DYM: variants seen among roughly 807,000 people sequenced by gnomAD.
DYM encodes the protein dyggve-Melchior-Clausen syndrome protein.
A neutral mutation model predicts 93.1 loss-of-function variants in DYM; 78 were observed. That is an observed-to-expected ratio of 0.84 (90% CI 0.70 to 1.01). The LOEUF (loss-of-function observed/expected upper bound fraction) is 1.01. Among genes scored for constraint, DYM ranks in the 50% least tolerant of loss-of-function variants. DYM has a pLI of 0.00. For missense variants in DYM, 789 were observed against 845.0 expected (o/e 0.93, Z 0.82); for synonymous variants, 321 against 319.7 (o/e 1.00, Z -0.04).
intron 8 of DYM, among the ~76,000 whole-genome samples, chr18:49,291,419 A>T (rs905834522): frequency 2.6e-5 from 4 of 152,330 alleles, no homozygotes; most frequent in Non-Finnish European, 4.4e-5. Context: ...GAGCCTACAA[A>T]TATCAAGCTT....
At chr18:49,450,716 T>C (rs2082455473) in intron 1 of DYM, among the ~76,000 whole-genome samples, 3 of 152,194 alleles carry the variant, frequency 2.0e-5, no homozygotes, top group Non-Finnish European at 2.9e-5. Flanking sequence ...ATAATACTAA[T>C]ATATGTTCCA....
chr18:49,373,566 G>T (rs1372424086), intron 5 of DYM, among the ~76,000 whole-genome samples: 1 of 152,044 alleles, frequency 6.6e-6, no homozygotes, highest in Non-Finnish European at 1.5e-5. Flanking sequence ...TATCAGCAAG[G>T]TCTTCATGAC....
At chr18:49,338,752 TACTACAGAAG>T (rs1453164275) in intron 6 of DYM, among the ~76,000 whole-genome samples, 1 of 152,162 alleles carries the variant, frequency 6.6e-6, no homozygotes, top group African/African-American at 2.4e-5. Context: ...ACTCAAGACC[TACTACAGAAG>T]ACTTAATGAC....
intron 13 of DYM, among the ~76,000 whole-genome samples, chr18:49,221,712 C>G (rs1316535181): frequency 6.6e-6 from 1 of 151,828 alleles, no homozygotes; most frequent in Admixed American, 6.6e-5. Flanking sequence ...ACAATGAGAA[C>G]ACATGGACAC....
At chr18:49,252,241 A>AAAAAAAAAAG in intron 13 of DYM, among the ~76,000 whole-genome samples, 1 of 148,554 alleles carries the variant, frequency 6.7e-6, no homozygotes, top group African/African-American at 2.5e-5. Flanking sequence ...AAAAAAAAAA[A>AAAAAAAAAAG]AGAACTGCCT....
At chr18:49,326,936 A>C (rs2062922841) in intron 8 of DYM, among the ~76,000 whole-genome samples, 1 of 151,084 alleles carries the variant, frequency 6.6e-6, no homozygotes, top group Admixed American at 6.6e-5. Context: ...TAAAGTATTT[A>C]GGAGTAAAGG....
chr18:49,261,387 T>G (rs912491938), intron 11 of DYM, among the ~76,000 whole-genome samples: 3 of 152,200 alleles, frequency 2.0e-5, no homozygotes, highest in African/African-American at 7.2e-5. Flanking sequence ...ATATAAAAGT[T>G]TGGCTGGGCA....
chr18:49,298,602 G>A (rs2060707518), intron 8 of DYM, among the ~76,000 whole-genome samples: 1 of 148,020 alleles, frequency 6.8e-6, no homozygotes. Context: ...AAAAAATTCT[G>A]TCAGAATCTC....
chr18:49,073,315 A>G (rs2077040531), intron 17 of DYM, among the ~76,000 whole-genome samples: 1 of 152,244 alleles, frequency 6.6e-6, no homozygotes, highest in Admixed American at 6.5e-5. Context: ...ACACTTTTCA[A>G]GTTAATTCAG....
chr18:49,065,214 T>G (rs2076296454), intron 17 of DYM, among the ~76,000 whole-genome samples: 1 of 152,158 alleles, frequency 6.6e-6, no homozygotes, highest in Non-Finnish European at 1.5e-5. Flanking sequence ...GGGTCTTGAT[T>G]TTAGAGAAAT....
At chr18:49,327,680 T>A (rs112129646) in intron 8 of DYM, among the ~76,000 whole-genome samples, 1 of 152,172 alleles carries the variant, frequency 6.6e-6, no homozygotes, top group Non-Finnish European at 1.5e-5. Context: ...TCTTTGAAAT[T>A]TTCTGTAATA....
At chr18:49,224,213 G>A (rs1009660634) in intron 13 of DYM, among the ~76,000 whole-genome samples, 34 of 152,022 alleles carry the variant, frequency 2.2e-4, no homozygotes, top group African/African-American at 7.2e-4. Flanking sequence ...TCAATGAGGC[G>A]GCAACAGAGG....
chr18:49,454,538 T>G (rs73445800), intron 1 of DYM, among the ~76,000 whole-genome samples: 10 of 152,254 alleles, frequency 6.6e-5, no homozygotes, highest in Admixed American at 4.6e-4. Flanking sequence ...ACACACTCTG[T>G]AGACGTCATG....
intron 1 of DYM, among the ~76,000 whole-genome samples, chr18:49,443,180 T>G (rs978270702): frequency 6.6e-6 from 1 of 152,158 alleles, no homozygotes; most frequent in African/African-American, 2.4e-5. Flanking sequence ...TTGAAAAAAA[T>G]CAAAAGAATA....
intron 5 of DYM, among the ~76,000 whole-genome samples, chr18:49,377,782 G>T (rs750985826): frequency 1.3e-4 from 20 of 152,080 alleles, no homozygotes; most frequent in Non-Finnish European, 2.5e-4. Context: ...TTACTCCTAG[G>T]TATATGAAAG....
rs184276038 is a variant in DYM at position 49,147,537 on chromosome 18, T to G, written c.1728+16148A>C. On this transcript the variant is annotated intron_variant, in intron 15 of 17. Transcript: ENST00000675505. ...CCCATGAAAAAGTGGGCGAAGGATA[T>G]GAACAGACACTTCTCAAAAGAAGAC... 2.6e-4 allele frequency among the ~76,000 whole-genome samples: 39 copies of G among 152,280 alleles called. No individual in the cohort carries two copies. In the East Asian group the frequency reaches 6.0e-3, roughly 23 times the overall value.
At chr18:49,272,853 C>T (rs1359938058) in intron 10 of DYM, among the ~76,000 whole-genome samples, 4 of 151,962 alleles carry the variant, frequency 2.6e-5, no homozygotes. Context: ...ATGCTGTTTA[C>T]CATTGTGCTT....
chr18:49,038,722 A>C lies in DYM; in HGVS notation c.*5333T>G, dbSNP rs182019527. 6.6e-6 allele frequency among the ~76,000 whole-genome samples: 1 copy of C among 152,184 alleles called. No individual in the cohort carries two copies. The highest frequency in any genetic ancestry group is 1.5e-5 in the Non-Finnish European group (1 of 68,024). ...TTTCTTCTTTCTTAGACTCTTTTGC[A>C]ATTCTTAAATCTTCCACTGAATTGA... On this transcript the variant is annotated 3_prime_UTR_variant, in exon 18 of 18. Transcript: ENST00000675505.
intron 6 of DYM, among the ~76,000 whole-genome samples, chr18:49,360,620 C>CA (rs111418911): frequency 0.064 from 8,647 of 135,524 alleles, 303 homozygotes; most frequent in Middle Eastern, 0.098. Flanking sequence ...AGATCCATCT[C>CA]AAAAAAAAAA....
Sources: gnomAD v4.1 joint callset for allele counts (sites outside exome capture counted in the v4.1 genomes callset) on GRCh38, gnomAD v4.1.1 for gene constraint, MANE v1.5 for transcripts, NCBI Gene and HGNC (gene_info 2026-07-23, HGNC 2026-07-21) for gene names.